CCDC102B: variants seen among roughly 807,000 people sequenced by gnomAD.
The protein encoded by CCDC102B is coiled-coil domain containing 102B, also known as coiled-coil domain-containing protein 102B.
Under a neutral mutation model 57.4 loss-of-function variants are expected in CCDC102B, and 75 were observed. The observed-to-expected ratio is 1.31, with a 90% CI of 1.08 to 1.58. CCDC102B has a LOEUF of 1.58. Ranked by LOEUF, CCDC102B falls within the 40% of genes most tolerant of loss-of-function variation. The pLI is 0.00. For missense variants in CCDC102B, 636 were observed against 582.6 expected (o/e 1.09, Z -0.94); for synonymous variants, 206 against 201.9 (o/e 1.02, Z -0.17).
chr18:68,920,236 A>T (rs2041227838), intron 6 of CCDC102B, among the ~76,000 whole-genome samples: 1 of 152,028 alleles, frequency 6.6e-6, no homozygotes, highest in Non-Finnish European at 1.5e-5. Flanking sequence ...CTTTTCCTGA[A>T]AGCTGGAGGC....
rs1255005198 is a variant in CCDC102B at position 69,030,116 on chromosome 18, C to T, written c.1434+19012C>T. 2.0e-5 allele frequency among the ~76,000 whole-genome samples: 3 copies of T among 152,162 alleles called. No individual in the cohort carries two copies. In the East Asian group the frequency reaches 5.8e-4, roughly 29 times the overall value. On this transcript the variant is annotated intron_variant, in intron 7 of 7. Coordinates refer to ENST00000360242, the MANE Select transcript of CCDC102B (RefSeq NM_024781.3). ...TACCTCACACTTCTTTGCTGTTATT[C>T]AAAATAGCCTAACAGTGATAACAAC...
rs59520804 is a variant in CCDC102B at position 68,950,020 on chromosome 18, A to G, written c.1263+52592A>G. On this transcript the variant is annotated intron_variant, in intron 6 of 7. Coordinates refer to ENST00000360242, the MANE Select transcript of CCDC102B (RefSeq NM_024781.3). Reference sequence around the variant, plus strand: ...CTAAAATATTTAGATTTTTCTATCAATTCATATTTACATGAATCTGTCTAA... The same window carrying G: ...CTAAAATATTTAGATTTTTCTATCAGTTCATATTTACATGAATCTGTCTAA... Among the ~76,000 whole-genome samples, 5 of 152,230 alleles carry G rather than the reference A, an allele frequency of 3.3e-5. No individual in the cohort carries two copies. In the East Asian group the frequency reaches 9.7e-4, roughly 29 times the overall value.
At chr18:69,002,430 A>G in intron 6 of CCDC102B, among the ~76,000 whole-genome samples, 1 of 152,168 alleles carries the variant, frequency 6.6e-6, no homozygotes, top group East Asian at 1.9e-4. Flanking sequence ...GGGGCTGTAT[A>G]ATCATACTCT....
chr18:68,783,841 G>A (rs778536596), intron 2 of CCDC102B, among the ~76,000 whole-genome samples: 4 of 151,994 alleles, frequency 2.6e-5, no homozygotes, highest in Non-Finnish European at 5.9e-5. Context: ...CATACTATAC[G>A]GAGCCTATTA....
At chr18:68,733,507 T>TATATATATATATATATATATATATA (rs1491296876) in intron 2 of CCDC102B, among the ~76,000 whole-genome samples, 10 of 76,162 alleles carry the variant, frequency 1.3e-4, no homozygotes, top group East Asian at 7.1e-4. Flanking sequence ...TATATATATA[T>TATATATATATATATATATATATATA]TTTTTTAACT....
intron 2 of CCDC102B, among the ~76,000 whole-genome samples, chr18:68,775,938 C>T (rs548316321): frequency 2.8e-4 from 43 of 152,322 alleles, no homozygotes; most frequent in African/African-American, 9.6e-4. Flanking sequence ...AGGCGTGAGC[C>T]ACAAAGCCCG....
intron 5 of CCDC102B, among the ~76,000 whole-genome samples, chr18:68,890,694 T>G (rs1471826501): frequency 1.3e-5 from 2 of 152,236 alleles, no homozygotes; most frequent in Non-Finnish European, 2.9e-5. Context: ...TAGAACTTTA[T>G]AGGCCATAAA....
At chr18:68,846,215 A>T (rs2037848634) in intron 3 of CCDC102B, 98 bp from the exon 4 acceptor site, 11 of 625,566 alleles carry the variant, frequency 1.8e-5, no homozygotes, top group Non-Finnish European at 2.7e-5. Context: ...AGTTACAAAT[A>T]TCAAAAATTA....
At chr18:68,890,055 G>A (rs2040021371) in intron 5 of CCDC102B, among the ~76,000 whole-genome samples, 1 of 152,100 alleles carries the variant, frequency 6.6e-6, no homozygotes, top group African/African-American at 2.4e-5. Flanking sequence ...TTTCCTTGCA[G>A]TGTAATTGCT....
chr18:68,890,007 T>C (rs2040019162), intron 5 of CCDC102B, among the ~76,000 whole-genome samples: 2 of 152,194 alleles, frequency 1.3e-5, no homozygotes, highest in African/African-American at 2.4e-5. Context: ...AGCCCTGGCA[T>C]ATCTTACTGG....
At chr18:68,883,837 TCTTTA>T (rs2039779100) in intron 5 of CCDC102B, among the ~76,000 whole-genome samples, 1 of 152,200 alleles carries the variant, frequency 6.6e-6, no homozygotes, top group Admixed American at 6.5e-5. Context: ...AGCTCCACTA[TCTTTA>T]CTTAAGTCCC....
At position 69,010,954 on chromosome 18, in the gene CCDC102B, T is replaced by C; in HGVS notation, c.1284T>C (p.His428=). 6.3e-7 allele frequency: 1 copy of C among 1,598,614 alleles called. No homozygotes were observed. Among genetic ancestry groups the C allele is most frequent in the Non-Finnish European group, 8.5e-7 (1 of 1,171,498 alleles). The stretch of plus-strand genomic sequence containing the variant: ...GAAAGGAATTACTGAACCTTCAACA[T>C]GCCTACTATAAACTAAACAGACAAT... The part of the protein sequence containing the change: ...EKNQELLNLQ[H]AYYKLNRQYQ... Residue 428 remains histidine, a synonymous_variant, in exon 7 of 8, where the codon CAT becomes CAC. Coordinates refer to ENST00000360242, the MANE Select transcript of CCDC102B (RefSeq NM_024781.3).
At chr18:68,987,609 A>G (rs2050756949) in intron 6 of CCDC102B, among the ~76,000 whole-genome samples, 1 of 152,188 alleles carries the variant, frequency 6.6e-6, no homozygotes, top group Non-Finnish European at 1.5e-5. Context: ...AACAGAGTAA[A>G]TAGACCACCT....
intron 2 of CCDC102B, among the ~76,000 whole-genome samples, chr18:68,786,025 C>A (rs1790422943): frequency 6.6e-6 from 1 of 151,584 alleles, no homozygotes; most frequent in Non-Finnish European, 1.5e-5. Context: ...AGGAAGGGAT[C>A]CAGTTTCAGC....
intron 2 of CCDC102B, chr18:68,721,249 A>G (rs1171967490): frequency 6.6e-6 from 1 of 152,246 alleles, no homozygotes; most frequent in Non-Finnish European, 1.5e-5. Context: ...GTGCAGGTTA[A>G]TGAATTTTTA....
intron 7 of CCDC102B, 53 bp from the exon 8 acceptor site, chr18:69,053,977 A>G: frequency 7.3e-7 from 1 of 1,367,314 alleles, no homozygotes; most frequent in Non-Finnish European, 1.0e-6. Context: ...AGCCACCATG[A>G]TGTACTATAG....
At chr18:68,953,325 C>T (rs2049752041) in intron 6 of CCDC102B, among the ~76,000 whole-genome samples, 2 of 148,576 alleles carry the variant, frequency 1.3e-5, no homozygotes, top group South Asian at 2.1e-4. Flanking sequence ...ACAAAGGTTC[C>T]AAGTTCTTCA....
intron 2 of CCDC102B, among the ~76,000 whole-genome samples, chr18:68,765,361 G>C (rs911548698): frequency 7.9e-6 from 1 of 126,656 alleles, no homozygotes; most frequent in East Asian, 2.3e-4. Context: ...AAGAAAGAAA[G>C]AAAGAAAGAA....
intron 6 of CCDC102B, among the ~76,000 whole-genome samples, chr18:68,943,999 C>T (rs368756720): frequency 5.3e-5 from 8 of 152,088 alleles, no homozygotes; most frequent in East Asian, 1.9e-4. Context: ...GATGCTATGC[C>T]GGACAGGGAC....
Sources: allele counts gnomAD v4.1 joint callset (sites outside exome capture counted in the v4.1 genomes callset), GRCh38; gene constraint gnomAD v4.1.1; transcripts MANE v1.5; gene names NCBI Gene and HGNC (gene_info 2026-07-23, HGNC 2026-07-21).